EML5: variants seen among roughly 807,000 people sequenced by gnomAD.
EML5 encodes the protein echinoderm microtubule-associated protein-like 5.
In EML5, 120 loss-of-function variants were observed where a neutral mutation model predicts 250.0. The observed-to-expected ratio is 0.48, with a 90% CI of 0.41 to 0.56. The LOEUF (loss-of-function observed/expected upper bound fraction) is 0.56, where lower values mean the gene tolerates loss of function less well. Ranked by LOEUF, EML5 falls within the 20% of genes least tolerant of loss-of-function variation. EML5 has a pLI of 0.00. For synonymous variants in EML5, 771 were observed against 806.5 expected (o/e 0.96, Z 0.75); for missense variants, 2,006 against 2,437.6 (o/e 0.82, Z 3.73).
At chr14:88,646,839 G>C (rs888257526) in intron 29 of EML5, 108 bp downstream of exon 29, 1 of 1,158,438 alleles carries the variant, frequency 8.6e-7, no homozygotes, top group African/African-American at 1.6e-5. Flanking sequence ...GTGCAAAACT[G>C]TGAAGAGAGG....
At chr14:88,711,119 G>A (rs910796753) in intron 10 of EML5, among the ~76,000 whole-genome samples, 1 of 151,974 alleles carries the variant, frequency 6.6e-6, no homozygotes, top group Non-Finnish European at 1.5e-5. Flanking sequence ...CTTAAAATTT[G>A]TTGTGCATGG....
At chr14:88,694,553 T>A in intron 16 of EML5, 146 bp from the exon 17 acceptor site, 1 of 617,920 alleles carries the variant, frequency 1.6e-6, no homozygotes, top group Non-Finnish European at 2.8e-6. Flanking sequence ...GTATTTGTTC[T>A]TTTGTCATCA....
chr14:88,661,524 C>G (rs2092100559), intron 25 of EML5, 130 bp downstream of exon 25: 6 of 811,658 alleles, frequency 7.4e-6, no homozygotes, highest in Non-Finnish European at 9.3e-6. Context: ...AAACATAATT[C>G]TGAACCTTTC....
At chr14:88,729,148 G>A (rs775890876) in intron 7 of EML5, among the ~76,000 whole-genome samples, 7 of 151,860 alleles carry the variant, frequency 4.6e-5, no homozygotes, top group South Asian at 2.1e-4. Context: ...ATCTGTGTGT[G>A]TGTACGTGTA....
intron 43 of EML5, 45 bp downstream of exon 43, chr14:88,616,097 A>G: frequency 6.3e-7 from 1 of 1,585,576 alleles, no homozygotes. Flanking sequence ...AAGTCTCTTA[A>G]CTAGTAACAT....
At chr14:88,663,164 C>A (rs899483404) in intron 23 of EML5, 45 bp from the exon 24 acceptor site, 4 of 1,289,136 alleles carry the variant, frequency 3.1e-6, no homozygotes, top group African/African-American at 1.5e-5. Flanking sequence ...AAAATACATA[C>A]AAATATATAT....
chr14:88,748,088 G>T (rs1346546375), intron 2 of EML5, among the ~76,000 whole-genome samples: 1 of 152,100 alleles, frequency 6.6e-6, no homozygotes, highest in African/African-American at 2.4e-5. Flanking sequence ...AATAGAGCCT[G>T]GTAGACTTAC....
intron 19 of EML5, among the ~76,000 whole-genome samples, chr14:88,685,812 T>C (rs1207331239): frequency 1.3e-5 from 2 of 152,216 alleles, no homozygotes; most frequent in Non-Finnish European, 2.9e-5. Context: ...GCTATGTAAA[T>C]AGCTGTTATA....
At chr14:88,645,437 T>C (rs1321575903) in intron 29 of EML5, among the ~76,000 whole-genome samples, 1 of 152,234 alleles carries the variant, frequency 6.6e-6, no homozygotes, top group Admixed American at 6.5e-5. Context: ...TATTTCTTGA[T>C]AGGTACATTA....
chr14:88,627,309 G>T (rs971138850), intron 34 of EML5: 20 of 494,988 alleles, frequency 4.0e-5, no homozygotes, highest in Middle Eastern at 5.4e-4. Flanking sequence ...CTGCTGATCT[G>T]CCATTATCAT....
At chr14:88,678,670 T>A (rs2092651442) in intron 21 of EML5, among the ~76,000 whole-genome samples, 1 of 152,168 alleles carries the variant, frequency 6.6e-6, no homozygotes, top group Admixed American at 6.5e-5. Flanking sequence ...TCTGAATCAT[T>A]AGCATCCAGA....
chr14:88,703,865 T>C (rs1401917845), intron 13 of EML5, among the ~76,000 whole-genome samples: 1 of 152,216 alleles, frequency 6.6e-6, no homozygotes, highest in East Asian at 1.9e-4. Flanking sequence ...TGATTATCTC[T>C]TACATTTTAC....
intron 12 of EML5, 25 bp from the exon 13 acceptor site, chr14:88,705,003 A>G: frequency 6.7e-7 from 1 of 1,498,676 alleles, no homozygotes. Flanking sequence ...ACAAGTAGAA[A>G]TATTCTTAGA....
intron 1 of EML5, among the ~76,000 whole-genome samples, chr14:88,777,177 G>A (rs2094454980): frequency 6.6e-6 from 1 of 152,028 alleles, no homozygotes; most frequent in African/African-American, 2.4e-5. Context: ...ATAAAGAAAG[G>A]GTCCTAAAAG....
intron 8 of EML5, among the ~76,000 whole-genome samples, chr14:88,716,588 T>C (rs1382118962): frequency 6.6e-6 from 1 of 152,222 alleles, no homozygotes; most frequent in Non-Finnish European, 1.5e-5. Flanking sequence ...CTTCATGACC[T>C]GCATTAAAAT....
intron 33 of EML5, among the ~76,000 whole-genome samples, chr14:88,630,686 G>A (rs1018313957): frequency 6.6e-5 from 10 of 152,132 alleles, no homozygotes; most frequent in Middle Eastern, 3.2e-3. Flanking sequence ...GTGTCCTCAC[G>A]CAAAGTCAGG....
rs1595623738 is a variant in EML5, at chr14:88,713,000, A to G, written c.1445-517T>C. On this transcript the variant is annotated intron_variant, in intron 9 of 43. Coordinates refer to ENST00000554922, the MANE Select transcript of EML5 (RefSeq NM_183387.3). ...ATTACATATAGACTGTTAATGAAAA[A>G]CTTTTGGGGAGATGCATTAATTGAA... 5.9e-5 allele frequency among the ~76,000 whole-genome samples: 9 copies of G among 152,300 alleles called. 2 individuals are homozygous for G. The highest frequency in any genetic ancestry group is 5.2e-4 in the Admixed American group (8 of 15,296).
intron 7 of EML5, among the ~76,000 whole-genome samples, chr14:88,727,168 A>T (rs999301616): frequency 3.3e-5 from 5 of 152,214 alleles, no homozygotes; most frequent in Non-Finnish European, 5.9e-5. Flanking sequence ...TGCCTTAAAA[A>T]TGTAACACTC....
Position 88,620,701 on chromosome 14 carries a change from A to G in EML5, c.5375+53T>C. 2.9e-6 allele frequency: 4 copies of G among 1,391,918 alleles called. No individual in the cohort carries two copies. Among genetic ancestry groups the G allele is most frequent in the African/African-American group, 3.0e-5 (2 of 67,656 alleles). The allele number at this position is 1,391,918 out of a possible 1,614,324, so 86.2% of individuals were successfully genotyped here. Reference sequence around the variant, plus strand: ...GGCAAGGCTATGGAAAATTTTACAAATGGAAGTTAAATCAAGTATATACTA... The same window carrying G: ...GGCAAGGCTATGGAAAATTTTACAAGTGGAAGTTAAATCAAGTATATACTA... On this transcript the variant is annotated intron_variant, in intron 39 of 43. Transcript: ENST00000554922. The surrounding 1 kb of genome is among the most constrained non-coding windows in gnomAD (Gnocchi z 4.3).
Sources: gnomAD v4.1 joint callset for allele counts (sites outside exome capture counted in the v4.1 genomes callset) on GRCh38, gnomAD v4.1.1 for gene constraint, Gnocchi (gnomAD v3.1) non-coding constraint, MANE v1.5 for transcripts, NCBI Gene and HGNC (gene_info 2026-07-23, HGNC 2026-07-21) for gene names.